MAN2A2: variants seen among roughly 807,000 people sequenced by gnomAD.
The protein encoded by MAN2A2 is mannosidase alpha class 2A member 2, also known as alpha-mannosidase 2x.
A neutral mutation model predicts 126.8 loss-of-function variants in MAN2A2; 79 were observed. The observed-to-expected ratio is 0.62, with a 90% CI of 0.52 to 0.75. The LOEUF is 0.75. Among genes scored for constraint, MAN2A2 ranks in the 30% least tolerant of loss-of-function variants. The pLI is 0.00. For missense variants in MAN2A2, 1,392 were observed against 1,522.4 expected, an observed-to-expected ratio of 0.91 and a Z score of 1.43; for synonymous variants, 671 against 618.7, an observed-to-expected ratio of 1.08 and a Z score of -1.25.
chr15:90,906,938 G>C lies in MAN2A2; in HGVS notation c.1009+25G>C, dbSNP rs761745233. On this transcript the variant is annotated intron_variant, in intron 7 of 22. Coordinates refer to ENST00000559717, the MANE Select transcript of MAN2A2 (RefSeq NM_006122.4). ...GGTAAGGCCGGGTAGGGTAGAGGGG[G>C]TTACTGCAGCATAGTCTTCACTGGG... 3 of 1,611,648 alleles carry C rather than the reference G, an allele frequency of 1.9e-6. No individual in the cohort carries two copies. In the African/African-American group the frequency reaches 4.0e-5, roughly 22 times the overall value.
At chr15:90,910,390 G>A in intron 10 of MAN2A2, 98 bp downstream of exon 10, 1 of 1,572,464 alleles carries the variant, frequency 6.4e-7, no homozygotes, top group Non-Finnish European at 8.7e-7. Flanking sequence ...GATAGGCCCA[G>A]AGGCCAGGGC....
chr15:90,905,967 G>T lies in MAN2A2; in HGVS notation c.658G>T (p.Ala220Ser), dbSNP rs763003195. The T allele has an allele frequency of 1.9e-6, 3 of 1,613,972 alleles. No individual in the cohort carries two copies. Among genetic ancestry groups the T allele is most frequent in the South Asian group, 2.2e-5 (2 of 91,078 alleles). ...CCTCTGGGCAGAGGTCTCCTTCTTC[G>T]CCAAGTGGTGGGACAACATCAATGT... ...RFLWAEVSFF[A>S]KWWDNINVQK... Residue 220 changes from alanine to serine, a missense_variant, in exon 5 of 23, where the codon GCC (alanine) becomes TCC (serine). Coordinates refer to ENST00000559717, the MANE Select transcript of MAN2A2 (RefSeq NM_006122.4).
In MAN2A2 at chr15:90,910,955, C is replaced by G; in HGVS notation, c.1869C>G (p.Leu623=). 6.2e-7 allele frequency: 1 copy of G among 1,613,574 alleles called. No homozygotes were observed. The highest frequency in any genetic ancestry group is 8.5e-7 in the Non-Finnish European group (1 of 1,179,536). ...TYHFDPEAPF[L]QVDDTRLSHD... ...ACTTTGACCCTGAGGCGCCCTTCCT[C>G]CAAGTGGTGAGCCCCTCCTGGGTCT... The change falls in exon 12 of 23, where the codon CTC becomes CTG. Residue 623 remains leucine, a synonymous_variant. Coordinates refer to ENST00000559717, the MANE Select transcript of MAN2A2 (RefSeq NM_006122.4).
chr15:90,913,411 C>T lies in MAN2A2; in HGVS notation c.2718+5C>T, dbSNP rs201897708. 2.0e-5 allele frequency: 32 copies of T among 1,583,608 alleles called. No individual in the cohort carries two copies. The Middle Eastern group carries it at 6.6e-4, about 33-fold the overall frequency. On this transcript the variant is annotated splice_donor_5th_base_variant and intron_variant, in intron 18 of 22. Transcript: ENST00000559717. ...ACAGACCTCAATGGCTTTCAGGTGA[C>T]TCCTGGGCCTGGGTCTCGGAGACCC...
chr15:90,919,953 G>A lies in MAN2A2; in HGVS notation c.*166G>A, dbSNP rs754038352. On this transcript the variant is annotated 3_prime_UTR_variant, in exon 23 of 23. Transcript: ENST00000559717. Reference sequence around the variant, plus strand: ...TTATTGCTGCTGCTGTGTTTTCGGCGCAACCCACAAACCCAGTGATGGGTA... The same window carrying A: ...TTATTGCTGCTGCTGTGTTTTCGGCACAACCCACAAACCCAGTGATGGGTA... 6.4e-5 allele frequency: 51 copies of A among 797,224 alleles called. No homozygotes were observed. Among genetic ancestry groups the A allele is most frequent in the Non-Finnish European group, 9.3e-5 (48 of 514,286 alleles). 49.4% of individuals were successfully genotyped at this position (797,224 alleles called of 1,614,324 possible). A position where few individuals can be genotyped will look rare whatever the true frequency, so the allele number is the denominator to read the frequency against.
rs1185086709 is a variant in MAN2A2, at chr15:90,909,412, C to T, written c.1282C>T (p.Arg428Ter). ...CCTGGTGCCTCTTGGAGATGACTTCCGATATGACAAGCCCCAGGAGTGGGA... is the reference window on the plus strand; with the variant it reads ...CCTGGTGCCTCTTGGAGATGACTTCTGATATGACAAGCCCCAGGAGTGGGA... ...VLLVPLGDDFRYDKPQEWDAQ... is the reference protein window; with the variant it reads ...VLLVPLGDDF Residue 428 changes from arginine to a stop codon, truncating the protein, a stop_gained, in exon 9 of 23, where the codon CGA (arginine) becomes TGA (stop). Transcript: ENST00000559717. LOFTEE classifies it high-confidence loss of function. 13 of 1,614,150 alleles carry T rather than the reference C, an allele frequency of 8.1e-6. No homozygotes were observed. Among genetic ancestry groups the T allele is most frequent in the Non-Finnish European group, 1.1e-5 (13 of 1,180,010 alleles).
Position 90,919,667 on chromosome 15 carries a change from T to TG in MAN2A2, c.3334dup (p.Val1112GlyfsTer23). 6.2e-7 allele frequency: 1 copy of TG among 1,614,200 alleles called. No homozygotes were observed. Among genetic ancestry groups the TG allele is most frequent in the East Asian group, 2.2e-5 (1 of 44,888 alleles). ...TGGGCAGCCTTTTCCATGGCCTGGA[T>TG]GTGGTATTCCTTCAGCCAACCTCCT... On this transcript the variant is annotated frameshift_variant, in exon 23 of 23. Coordinates refer to ENST00000559717, the MANE Select transcript of MAN2A2 (RefSeq NM_006122.4). LOFTEE classifies it high-confidence loss of function.
In MAN2A2 at chr15:90,904,262, G is replaced by C. The variant is rs1157521767; in HGVS notation, c.55G>C (p.Val19Leu). ...TGGGGCTGCCATCTTCTGTGTGGCA[G>C]TCTTCTCGCTCTACCTCATGCTGGA... ...VCGAAIFCVA[V>L]FSLYLMLDRV... The change falls in exon 2 of 23, where the codon GTC (valine) becomes CTC (leucine). Residue 19 changes from valine to leucine, a missense_variant. Coordinates refer to ENST00000559717, the MANE Select transcript of MAN2A2 (RefSeq NM_006122.4). 2 of 1,614,100 alleles carry C rather than the reference G, an allele frequency of 1.2e-6. No homozygotes were observed. The highest frequency in any genetic ancestry group is 1.7e-6 in the Non-Finnish European group (2 of 1,180,054).
intron 8 of MAN2A2, among the ~76,000 whole-genome samples, chr15:90,909,015 C>T (rs1455022873): frequency 6.6e-6 from 1 of 152,126 alleles, no homozygotes; most frequent in Non-Finnish European, 1.5e-5. Context: ...TGATATGGCT[C>T]CGGGGTCCAG....
intron 2 of MAN2A2, 63 bp from the exon 3 acceptor site, chr15:90,905,188 C>T: frequency 1.3e-6 from 2 of 1,574,702 alleles, no homozygotes; most frequent in Non-Finnish European, 1.7e-6. Context: ...TGGTAGACCC[C>T]AAGCAGAGAC....
Position 90,919,812 on chromosome 15 carries a change from G to A in MAN2A2, c.*25G>A, listed in dbSNP as rs1171052762. 6.2e-7 allele frequency: 1 copy of A among 1,612,906 alleles called. No individual in the cohort carries two copies. Among genetic ancestry groups the A allele is most frequent in the Non-Finnish European group, 8.5e-7 (1 of 1,179,228 alleles). On this transcript the variant is annotated 3_prime_UTR_variant, in exon 23 of 23. Transcript: ENST00000559717. ...GGGCTTCTTGTGGCCTGAAGAGAAAGTTCATTCACAGAGACTGCCTCTTAA... is the reference window on the plus strand; with the variant it reads ...GGGCTTCTTGTGGCCTGAAGAGAAAATTCATTCACAGAGACTGCCTCTTAA...
intron 8 of MAN2A2, 123 bp downstream of exon 8, chr15:90,907,618 C>A: frequency 1.1e-6 from 1 of 871,830 alleles, no homozygotes; most frequent in Non-Finnish European, 1.7e-6. Context: ...GCAGCAGCAG[C>A]TCCTTACTAA....
chr15:90,912,082 G>A lies in MAN2A2; in HGVS notation c.2149G>A (p.Val717Met), dbSNP rs763436758. Reference sequence around the variant, plus strand: ...CCGCCTGCCAGCCCTGGGCCTGGGCGTGCTGCAGCTACAGCTGGGCCTGGA... The same window carrying A: ...CCGCCTGCCAGCCCTGGGCCTGGGCATGCTGCAGCTACAGCTGGGCCTGGA... ...PVRLPALGLGVLQLQLGLDGH... is the reference protein window; with the variant it reads ...PVRLPALGLGMLQLQLGLDGH... Residue 717 changes from valine (V) to methionine (M), a missense_variant, in exon 15 of 23, where the codon GTG (valine) becomes ATG (methionine). Val to Met is a conservative substitution (Grantham distance 21). Coordinates refer to ENST00000559717, the MANE Select transcript of MAN2A2 (RefSeq NM_006122.4). The A allele has an allele frequency of 3.5e-5, 56 of 1,612,620 alleles. No homozygotes were observed. The highest frequency in any genetic ancestry group is 2.2e-4 in the East Asian group (10 of 44,870).
rs1193242148 is a variant in MAN2A2 at position 90,905,402 on chromosome 15, A to G, written c.284A>G (p.Asn95Ser). 3.7e-6 allele frequency: 6 copies of G among 1,613,770 alleles called. No individual in the cohort carries two copies. Among genetic ancestry groups the G allele is most frequent in the African/African-American group, 1.3e-5 (1 of 74,938 alleles). The change falls in exon 3 of 23, where the codon AAT becomes AGT. Residue 95 changes from asparagine to serine, a missense_variant. Transcript: ENST00000559717. ...GCCATGCTGCCCTACTACACGGTCA[A>G]TGGCTCCTGGGTGGTGCCACCGGAG... Reference protein sequence around the residue: ...PPAMLPYYTVNGSWVVPPEPR... With the variant: ...PPAMLPYYTVSGSWVVPPEPR...
chr15:90,907,390 C>A lies in MAN2A2; in HGVS notation c.1091C>A (p.Pro364His). 6.2e-7 allele frequency: 1 copy of A among 1,614,120 alleles called. No homozygotes were observed. The highest frequency in any genetic ancestry group is 8.5e-7 in the Non-Finnish European group (1 of 1,179,988). ...YDVPHTCGPD[P>H]KICCQFDFKR... ...GTCCCCCATACCTGTGGCCCAGATC[C>A]CAAGATCTGCTGCCAATTTGATTTC... The change falls in exon 8 of 23, where the codon CCC (proline) becomes CAC (histidine). Residue 364 changes from proline (P) to histidine (H), a missense_variant. Coordinates refer to ENST00000559717, the MANE Select transcript of MAN2A2 (RefSeq NM_006122.4).
At chr15:90,913,164 G>A in intron 17 of MAN2A2, 109 bp from the exon 18 acceptor site, 1 of 1,394,308 alleles carries the variant, frequency 7.2e-7, no homozygotes, top group Non-Finnish European at 9.9e-7. Flanking sequence ...GATTTCTTGG[G>A]AGGTTGGACA....
In MAN2A2 at chr15:90,906,001, G is replaced by T; in HGVS notation, c.692G>T (p.Arg231Ile). 6.2e-7 allele frequency: 1 copy of T among 1,613,962 alleles called. No individual in the cohort carries two copies. Among genetic ancestry groups the T allele is most frequent in the East Asian group, 2.2e-5 (1 of 44,884 alleles). ...KWWDNINVQK[R>I]AAVRRLVGNG... ...TGGGACAACATCAATGTCCAAAAGA[G>T]AGCGGCAGTCCGAAGGCCAGTACCA... The change falls in exon 5 of 23, where the codon AGA becomes ATA. Residue 231 changes from arginine (R) to isoleucine (I), a missense_variant. Transcript: ENST00000559717.
chr15:90,906,658 C>T (rs1298516777), intron 6 of MAN2A2, 82 bp from the exon 7 acceptor site: 3 of 1,576,484 alleles, frequency 1.9e-6, no homozygotes, highest in Non-Finnish European at 2.6e-6. Flanking sequence ...AGGACAAGAG[C>T]TGGGGTCCCA....
At chr15:90,916,942 A>C (rs1229419802) in intron 20 of MAN2A2, among the ~76,000 whole-genome samples, 1 of 152,158 alleles carries the variant, frequency 6.6e-6, no homozygotes, top group African/African-American at 2.4e-5. Context: ...TGGGCTAAGG[A>C]GATCGAGGTC....
Sources: gnomAD v4.1 joint callset for allele counts (sites outside exome capture counted in the v4.1 genomes callset) on GRCh38, gnomAD v4.1.1 for gene constraint, MANE v1.5 for transcripts, NCBI Gene and HGNC (gene_info 2026-07-23, HGNC 2026-07-21) for gene names.